Variants in NRP1 observed in about 807,000 individuals in gnomAD.
The protein encoded by NRP1 is neuropilin 1, also known as neuropilin-1.
In NRP1, 35 loss-of-function variants were observed where a neutral mutation model predicts 106.7. The ratio of observed to expected loss-of-function variants is 0.33; its 90% CI spans 0.25 to 0.43. NRP1 has a LOEUF of 0.43. Ranked by LOEUF, NRP1 falls within the 20% of genes least tolerant of loss-of-function variation. NRP1 has a pLI of 1.00. For synonymous variants in NRP1, 437 were observed against 417.9 expected, an observed-to-expected ratio of 1.05 and a Z score of -0.56; for missense variants, 1,024 against 1,170.4, an observed-to-expected ratio of 0.87 and a Z score of 1.83.
At chr10:33,198,488 G>A (rs544158668) in intron 11 of NRP1, among the ~76,000 whole-genome samples, 3 of 152,040 alleles carry the variant, frequency 2.0e-5, no homozygotes, top group African/African-American at 7.2e-5. Context: ...TCTTTACAAA[G>A]CATCCAGAAG....
chr10:33,247,430 T>C (rs547956380), intron 6 of NRP1, among the ~76,000 whole-genome samples: 121 of 152,296 alleles, frequency 7.9e-4, no homozygotes, highest in South Asian at 4.1e-3. Flanking sequence ...CAGAGCCATT[T>C]TGGAAGTTGC....
intron 6 of NRP1, among the ~76,000 whole-genome samples, chr10:33,234,913 T>C (rs999957432): frequency 2.6e-5 from 4 of 152,198 alleles, no homozygotes; most frequent in African/African-American, 4.8e-5. Flanking sequence ...ACAGGGGCAG[T>C]GGAAGGGCTG....
intron 2 of NRP1, among the ~76,000 whole-genome samples, chr10:33,317,067 C>T (rs1044541077): frequency 6.6e-6 from 1 of 152,156 alleles, no homozygotes; most frequent in African/African-American, 2.4e-5. Flanking sequence ...AGAGGTAGAT[C>T]CTACAGAATT....
chr10:33,308,345 G>A (rs1051020026), intron 2 of NRP1, among the ~76,000 whole-genome samples: 5 of 150,218 alleles, frequency 3.3e-5, no homozygotes, highest in Non-Finnish European at 5.9e-5. Context: ...ACCTGTACAC[G>A]TACAGGTTTA....
chr10:33,284,267 A>T (rs576509261), intron 2 of NRP1, among the ~76,000 whole-genome samples: 38 of 152,314 alleles, frequency 2.5e-4, no homozygotes, highest in African/African-American at 9.1e-4. Context: ...GCTTTTTATT[A>T]TATTTAAGCA....
At chr10:33,205,087 T>C (rs562001622) in intron 10 of NRP1, among the ~76,000 whole-genome samples, 23 of 152,318 alleles carry the variant, frequency 1.5e-4, no homozygotes, top group African/African-American at 4.6e-4. Flanking sequence ...CAGACACTCC[T>C]GGGAGGCTGG....
At chr10:33,285,664 T>C (rs1005795357) in intron 2 of NRP1, among the ~76,000 whole-genome samples, 4 of 151,976 alleles carry the variant, frequency 2.6e-5, no homozygotes, top group African/African-American at 9.7e-5. Flanking sequence ...ACCGCGTATC[T>C]ACTAAAAATA....
intron 2 of NRP1, among the ~76,000 whole-genome samples, chr10:33,297,686 C>CAAAAAAA (rs10711145): frequency 3.1e-5 from 3 of 95,984 alleles, no homozygotes; most frequent in African/African-American, 1.3e-4. Flanking sequence ...GACTTTGTCT[C>CAAAAAAA]AAAAAAAAAA....
rs1835483591 is a variant in NRP1, at chr10:33,178,233, A to T, written c.*1843T>A. ...AATGTCTTTGAGTGAGACGTCTAGC[A>T]ATGTGGGAAGGAAGATCTAAAAAAT... On this transcript the variant is annotated 3_prime_UTR_variant, in exon 17 of 17. Transcript: ENST00000374867. The T allele has an allele frequency of 6.6e-6, 1 of 152,304 alleles. No homozygotes were observed. Among genetic ancestry groups the T allele is most frequent in the South Asian group, 2.1e-4 (1 of 4,830 alleles). The allele number at this position is 152,304 out of a possible 1,614,324, so 9.4% of individuals were successfully genotyped here. A position where few individuals can be genotyped will look rare whatever the true frequency, so the allele number is the denominator to read the frequency against.
At chr10:33,264,903 G>T (rs1182019489) in intron 3 of NRP1, among the ~76,000 whole-genome samples, 1 of 152,130 alleles carries the variant, frequency 6.6e-6, no homozygotes, top group East Asian at 1.9e-4. Context: ...GAGGTCAGGA[G>T]TTCGAGACCA....
intron 4 of NRP1, among the ~76,000 whole-genome samples, chr10:33,259,454 G>A (rs951483922): frequency 6.6e-6 from 1 of 152,162 alleles, no homozygotes; most frequent in Admixed American, 6.5e-5. Flanking sequence ...TATCCGTCTC[G>A]TGTGTGTGCT....
At chr10:33,211,841 G>A (rs999452269) in intron 9 of NRP1, 7 of 152,218 alleles carry the variant, frequency 4.6e-5, no homozygotes, top group African/African-American at 1.7e-4. Context: ...AGTAGGTCCT[G>A]GCCAAAGCAG....
chr10:33,304,875 A>G (rs1056228143), intron 2 of NRP1, among the ~76,000 whole-genome samples: 5 of 152,216 alleles, frequency 3.3e-5, no homozygotes, highest in African/African-American at 1.2e-4. Flanking sequence ...TAGCGTAGAA[A>G]CCCATATGTC....
chr10:33,260,730 C>T (rs545796075), intron 4 of NRP1, among the ~76,000 whole-genome samples: 1 of 152,084 alleles, frequency 6.6e-6, no homozygotes, highest in Non-Finnish European at 1.5e-5. Context: ...AACACGCATG[C>T]CTTGAATTTT....
At chr10:33,215,001 A>G (rs1838639819) in intron 8 of NRP1, among the ~76,000 whole-genome samples, 1 of 152,208 alleles carries the variant, frequency 6.6e-6, no homozygotes, top group African/African-American at 2.4e-5. Context: ...TTAAAGCGGT[A>G]AATTTTATGT....
At chr10:33,220,439 A>C (rs1176318992) in intron 8 of NRP1, among the ~76,000 whole-genome samples, 3 of 152,202 alleles carry the variant, frequency 2.0e-5, no homozygotes, top group African/African-American at 7.2e-5. Context: ...GGGTCAACTG[A>C]TTCTGTCTTT....
intron 8 of NRP1, among the ~76,000 whole-genome samples, chr10:33,217,512 T>C (rs777599536): frequency 6.6e-6 from 1 of 152,242 alleles, no homozygotes; most frequent in African/African-American, 2.4e-5. Context: ...CGTTTAACTC[T>C]GTCCCTTCAT....
In NRP1 at chr10:33,192,283, G is replaced by A. The variant is rs1836473574; in HGVS notation, c.2060C>T (p.Thr687Ile). ...TSKTGPIQDHTGDGNFIYSQA... is the reference protein window; with the variant it reads ...TSKTGPIQDHIGDGNFIYSQA... ...AGCCGAAGTGAACTCTGTGATACCT[G>A]TGTGATCCTGAATGGGTCCCGTCTT... The change falls in exon 13 of 17, where the codon ACA (threonine) becomes ATA (isoleucine). Residue 687 changes from threonine to isoleucine, a missense_variant and splice_region_variant. This residue lies in a region of NRP1 where 562 missense variants were observed against 620.3 expected (regional missense o/e 0.91). Transcript: ENST00000374867. 6.2e-7 allele frequency: 1 copy of A among 1,613,222 alleles called. No individual in the cohort carries two copies. Among genetic ancestry groups the A allele is most frequent in the Non-Finnish European group, 8.5e-7 (1 of 1,179,612 alleles).
At chr10:33,259,767 T>G (rs1842450384) in intron 4 of NRP1, among the ~76,000 whole-genome samples, 1 of 152,230 alleles carries the variant, frequency 6.6e-6, no homozygotes, top group South Asian at 2.1e-4. Flanking sequence ...AATTGTAACC[T>G]TATCTCAGAA....
Sources: gnomAD v4.1 joint callset for allele counts (sites outside exome capture counted in the v4.1 genomes callset) on GRCh38, gnomAD v4.1.1 for gene constraint, gnomAD v4.1.1 regional missense constraint, MANE v1.5 for transcripts, NCBI Gene and HGNC (gene_info 2026-07-23, HGNC 2026-07-21) for gene names.